MLLT3: variants seen among roughly 807,000 people sequenced by gnomAD.
MLLT3 encodes the protein protein AF-9.
MLLT3 carries 4 observed loss-of-function variants against 53.2 expected under a neutral mutation model. That is an observed-to-expected ratio of 0.08 (90% confidence interval 0.04 to 0.17). The LOEUF (loss-of-function observed/expected upper bound fraction) is 0.17. MLLT3 is among the 10% of genes least tolerant of loss of function. The pLI is 1.00. For synonymous variants in MLLT3, 283 were observed against 230.6 expected, an observed-to-expected ratio of 1.23 and a Z score of -2.06; for missense variants, 569 against 684.0, an observed-to-expected ratio of 0.83 and a Z score of 1.87.
intron 2 of MLLT3, among the ~76,000 whole-genome samples, chr9:20,510,110 G>A (rs1238842184): frequency 1.3e-5 from 2 of 151,838 alleles, no homozygotes; most frequent in Non-Finnish European, 2.9e-5. Flanking sequence ...AAAGAGCAAG[G>A]CACCACCACT....
chr9:20,550,803 G>A (rs1006399378), intron 2 of MLLT3, among the ~76,000 whole-genome samples: 1 of 152,068 alleles, frequency 6.6e-6, no homozygotes, highest in Non-Finnish European at 1.5e-5. Flanking sequence ...TGTTGTCCAG[G>A]CTGGACTGCA....
intron 7 of MLLT3, among the ~76,000 whole-genome samples, chr9:20,362,523 C>G (rs1821350125): frequency 6.6e-6 from 1 of 152,128 alleles, no homozygotes; most frequent in East Asian, 1.9e-4. Context: ...GTTATATTCT[C>G]CTATTTAAAA....
chr9:20,396,488 TG>T (rs1159995539), intron 5 of MLLT3, among the ~76,000 whole-genome samples: 1 of 152,100 alleles, frequency 6.6e-6, no homozygotes, highest in Non-Finnish European at 1.5e-5. Context: ...CTGTCAGACC[TG>T]GGGCCCTTTC....
rs559086228 is a variant in MLLT3, at chr9:20,435,721, T to C, written c.420+12402A>G. On this transcript the variant is annotated intron_variant, in intron 4 of 10. Coordinates refer to ENST00000380338, the MANE Select transcript of MLLT3 (RefSeq NM_004529.4). ...TAGGAAGGTCCTCTCGAACTTGATT[T>C]TCAGAAGCAAAAGAAATTAGTTTTG... Among the ~76,000 whole-genome samples, 24 of 152,188 alleles carry C rather than the reference T, an allele frequency of 1.6e-4. No individual in the cohort carries two copies. In the East Asian group the frequency reaches 4.4e-3, roughly 28 times the overall value.
chr9:20,613,669 T>C (rs1328086624), intron 2 of MLLT3, among the ~76,000 whole-genome samples: 1 of 151,672 alleles, frequency 6.6e-6, no homozygotes, highest in Non-Finnish European at 1.5e-5. Flanking sequence ...GGTAAATAAA[T>C]ACATAATGAA....
intron 6 of MLLT3, 99 bp downstream of exon 6, chr9:20,365,570 G>A: frequency 2.3e-6 from 3 of 1,324,554 alleles, no homozygotes; most frequent in Non-Finnish European, 2.2e-6. Context: ...GGATGGTCTT[G>A]ATCTCCTGAC....
chr9:20,405,234 A>G (rs1179102923), intron 5 of MLLT3, among the ~76,000 whole-genome samples: 1 of 152,130 alleles, frequency 6.6e-6, no homozygotes, highest in Admixed American at 6.5e-5. Context: ...ATAAAGCAAG[A>G]CTCAATCAGC....
intron 4 of MLLT3, among the ~76,000 whole-genome samples, chr9:20,426,903 G>A (rs994768062): frequency 3.9e-5 from 6 of 152,034 alleles, no homozygotes; most frequent in African/African-American, 1.4e-4. Context: ...AAGGACACAC[G>A]CATGACTGTG....
intron 2 of MLLT3, among the ~76,000 whole-genome samples, chr9:20,571,043 C>T (rs1819518338): frequency 6.6e-6 from 1 of 152,164 alleles, no homozygotes; most frequent in African/African-American, 2.4e-5. Context: ...AAATAGAAGA[C>T]ATGTCTTTGT....
In MLLT3 at chr9:20,342,202, AG is replaced by A. The variant is rs1820751740; in HGVS notation, c.*4240del. 1 of 219,120 alleles carries A rather than the reference AG, an allele frequency of 4.6e-6. No homozygotes were observed. The highest frequency in any genetic ancestry group is 9.2e-6 in the Non-Finnish European group (1 of 109,122). 13.6% of individuals were successfully genotyped at this position (219,120 alleles called of 1,614,324 possible). A position where few individuals can be genotyped will look rare whatever the true frequency, so the allele number is the denominator to read the frequency against. The stretch of plus-strand genomic sequence containing the variant: ...TCAGTACAATTATACATTTTAAAAA[AG>A]GTGCTGAAACAGATTATATGAGTTT... On this transcript the variant is annotated 3_prime_UTR_variant, in exon 11 of 11. Transcript: ENST00000380338.
intron 5 of MLLT3, among the ~76,000 whole-genome samples, chr9:20,381,243 T>G (rs187993185): frequency 6.6e-5 from 10 of 152,066 alleles, no homozygotes; most frequent in African/African-American, 2.2e-4. Context: ...AGCATTCATA[T>G]ACAACATTTA....
chr9:20,394,896 C>T (rs916745108), intron 5 of MLLT3, among the ~76,000 whole-genome samples: 42 of 152,178 alleles, frequency 2.8e-4, no homozygotes, highest in African/African-American at 1.0e-3. Context: ...TGCCCACCCT[C>T]CCCCACCAAC....
chr9:20,407,597 A>G (rs1822617736), intron 5 of MLLT3, among the ~76,000 whole-genome samples: 1 of 152,230 alleles, frequency 6.6e-6, no homozygotes, highest in Non-Finnish European at 1.5e-5. Context: ...CTACAATTTT[A>G]GTATGAATCC....
At chr9:20,602,017 G>A (rs1402142443) in intron 2 of MLLT3, among the ~76,000 whole-genome samples, 1 of 152,086 alleles carries the variant, frequency 6.6e-6, no homozygotes, top group Non-Finnish European at 1.5e-5. Context: ...CAGAAACACA[G>A]AAGATAAAAT....
intron 2 of MLLT3, among the ~76,000 whole-genome samples, chr9:20,459,007 A>G (rs1824042119): frequency 6.6e-6 from 1 of 152,138 alleles, no homozygotes; most frequent in Admixed American, 6.5e-5. Flanking sequence ...TATTCTCTAG[A>G]CAGCCTACAT....
At chr9:20,437,855 C>G (rs1823444645) in intron 4 of MLLT3, among the ~76,000 whole-genome samples, 1 of 152,140 alleles carries the variant, frequency 6.6e-6, no homozygotes, top group African/African-American at 2.4e-5. Flanking sequence ...AAATAACTAT[C>G]TTTTGTGTGA....
chr9:20,486,990 A>G (rs1824830216), intron 2 of MLLT3, among the ~76,000 whole-genome samples: 1 of 152,202 alleles, frequency 6.6e-6, no homozygotes. Flanking sequence ...GAAATGTTAT[A>G]GGAATGCATT....
At chr9:20,388,325 A>C (rs1002218046) in intron 5 of MLLT3, among the ~76,000 whole-genome samples, 5 of 152,226 alleles carry the variant, frequency 3.3e-5, no homozygotes, top group Non-Finnish European at 5.9e-5. Context: ...GCGGTGGCTC[A>C]GGCCTGTAGT....
chr9:20,553,578 A>G (rs539459576), intron 2 of MLLT3, among the ~76,000 whole-genome samples: 48 of 152,300 alleles, frequency 3.2e-4, no homozygotes, highest in African/African-American at 1.1e-3. Context: ...TCTATATAAG[A>G]TCCTGCTCAT....
Sources: allele counts gnomAD v4.1 joint callset (sites outside exome capture counted in the v4.1 genomes callset), GRCh38; gene constraint gnomAD v4.1.1; transcripts MANE v1.5; gene names NCBI Gene and HGNC (gene_info 2026-07-23, HGNC 2026-07-21).